CATSPERE: variants seen among roughly 807,000 people sequenced by gnomAD.
The protein encoded by CATSPERE is cation channel sperm-associated auxiliary subunit epsilon.
Under a neutral mutation model 114.1 loss-of-function variants are expected in CATSPERE, and 93 were observed. The observed-to-expected ratio is 0.81, with a 90% confidence interval of 0.69 to 0.97. The LOEUF (loss-of-function observed/expected upper bound fraction) is 0.97. Among genes scored for constraint, CATSPERE ranks in the 50% least tolerant of loss-of-function variants. The probability of loss-of-function intolerance (pLI) is 0.00; values close to 1 mark genes in which losing one functional copy is unlikely to be tolerated. For missense variants in CATSPERE, 1,058 were observed against 1,131.6 expected (o/e 0.93, Z 0.93); for synonymous variants, 341 against 384.1 (o/e 0.89, Z 1.31).
chr1:244,546,512 A>T (rs996639678), intron 8 of CATSPERE, among the ~76,000 whole-genome samples: 1 of 152,274 alleles, frequency 6.6e-6, no homozygotes, highest in African/African-American at 2.4e-5. Context: ...ATAGAGATGT[A>T]TGAACTGTCT....
chr1:244,600,385 G>A (rs1376196273), intron 17 of CATSPERE, among the ~76,000 whole-genome samples: 2 of 150,294 alleles, frequency 1.3e-5, no homozygotes, highest in African/African-American at 4.9e-5. Context: ...GAGAGAGAGA[G>A]ACTAGAAAAC....
chr1:244,510,835 C>CTT (rs747921082), intron 7 of CATSPERE, among the ~76,000 whole-genome samples: 679 of 48,296 alleles, frequency 0.014, no homozygotes, highest in Non-Finnish European at 0.019. Context: ...TTTTCTTTTT[C>CTT]TTTTTTTTTT....
At chr1:244,493,820 C>T (rs982548331) in intron 6 of CATSPERE, among the ~76,000 whole-genome samples, 9 of 152,306 alleles carry the variant, frequency 5.9e-5, no homozygotes, top group African/African-American at 1.9e-4. Context: ...CAAAAGAAGA[C>T]ATTTATGCAG....
chr1:244,610,566 T>C, intron 19 of CATSPERE: 1 of 582,484 alleles, frequency 1.7e-6, no homozygotes, highest in South Asian at 1.7e-5. Context: ...TGTTTGCAGA[T>C]TATTAAATAT....
At chr1:244,600,104 C>A (rs1429461091) in intron 17 of CATSPERE, among the ~76,000 whole-genome samples, 1 of 152,056 alleles carries the variant, frequency 6.6e-6, no homozygotes, top group African/African-American at 2.4e-5. Flanking sequence ...GACTCCCTCC[C>A]GTGATAGACA....
chr1:244,490,180 G>C (rs1023123787), intron 5 of CATSPERE, among the ~76,000 whole-genome samples: 2 of 152,094 alleles, frequency 1.3e-5, no homozygotes, highest in East Asian at 3.9e-4. Context: ...CTTAGCGTGA[G>C]CGGTTTTGGT....
chr1:244,570,350 GTTTT>G (rs1469927631), intron 10 of CATSPERE, among the ~76,000 whole-genome samples: 1 of 151,808 alleles, frequency 6.6e-6, no homozygotes, highest in African/African-American at 2.4e-5. Flanking sequence ...GTTTTTTTAG[GTTTT>G]GTTTTCTTTT....
chr1:244,588,343 T>C (rs533154251), intron 13 of CATSPERE, 139 bp from the exon 14 acceptor site: 14 of 643,404 alleles, frequency 2.2e-5, no homozygotes, highest in South Asian at 1.8e-4. Context: ...AAGAAAACAG[T>C]GCAGAGCAGT....
chr1:244,488,773 C>T (rs1167811662), intron 5 of CATSPERE, among the ~76,000 whole-genome samples: 2 of 152,120 alleles, frequency 1.3e-5, no homozygotes. Context: ...GAGCCGGGGT[C>T]TTTTTAATCA....
chr1:244,622,193 G>A (rs1217182576), intron 20 of CATSPERE, among the ~76,000 whole-genome samples: 1 of 152,024 alleles, frequency 6.6e-6, no homozygotes, highest in Non-Finnish European at 1.5e-5. Context: ...AAAGACTAGG[G>A]GAAATGGGAG....
chr1:244,560,193 G>C (rs1309713948), intron 9 of CATSPERE, among the ~76,000 whole-genome samples: 1 of 151,954 alleles, frequency 6.6e-6, no homozygotes, highest in Non-Finnish European at 1.5e-5. Flanking sequence ...GTCTCATTTT[G>C]TTGCCCAGGC....
chr1:244,523,873 G>A (rs1678046524), intron 8 of CATSPERE, among the ~76,000 whole-genome samples: 3 of 149,018 alleles, frequency 2.0e-5, no homozygotes, highest in Admixed American at 2.0e-4. Context: ...CCATGTTCAT[G>A]GGTAGGAAGA....
At chr1:244,493,771 C>G (rs1266893439) in intron 6 of CATSPERE, among the ~76,000 whole-genome samples, 3 of 152,066 alleles carry the variant, frequency 2.0e-5, no homozygotes, top group Non-Finnish European at 2.9e-5. Context: ...ACAAACAACC[C>G]CATCAAAAAG....
At chr1:244,451,332 G>C (rs1665584385), upstream of CATSPERE, among the ~76,000 whole-genome samples, 1 of 152,164 alleles carries the variant, frequency 6.6e-6, no homozygotes, top group South Asian at 2.1e-4. This position sits in a 1 kb window ranked among gnomAD's most constrained non-coding sequence, Gnocchi z 6.6. Flanking sequence ...TCCCGGCGCT[G>C]AGCACCACTC....
At chr1:244,577,744 T>C (rs1325203912) in intron 11 of CATSPERE, among the ~76,000 whole-genome samples, 1 of 152,214 alleles carries the variant, frequency 6.6e-6, no homozygotes, top group East Asian at 1.9e-4. Context: ...GATCAGGTTT[T>C]AACACATAAG....
At chr1:244,461,770 C>T (rs1666849211) in intron 1 of CATSPERE, among the ~76,000 whole-genome samples, 1 of 152,180 alleles carries the variant, frequency 6.6e-6, no homozygotes, top group Admixed American at 6.5e-5. Context: ...CTCAGAACAT[C>T]TGAGCCCCAA....
At chr1:244,589,083 G>A (rs1308383814) in intron 14 of CATSPERE, among the ~76,000 whole-genome samples, 1 of 152,110 alleles carries the variant, frequency 6.6e-6, no homozygotes, top group Non-Finnish European at 1.5e-5. Context: ...GAAGCACGTT[G>A]GACTCTGTGT....
chr1:244,626,351 G>A (rs371191261), intron 20 of CATSPERE, among the ~76,000 whole-genome samples: 4 of 151,916 alleles, frequency 2.6e-5, no homozygotes, highest in African/African-American at 4.8e-5. Context: ...CAGGTGTGGT[G>A]GCAGGCACCT....
intron 5 of CATSPERE, among the ~76,000 whole-genome samples, chr1:244,482,523 GC>G (rs1180024040): frequency 6.6e-6 from 1 of 152,040 alleles, no homozygotes; most frequent in Admixed American, 6.6e-5. Context: ...GTTCGCTTGA[GC>G]CCAGGAGTTT....
Sources: allele counts gnomAD v4.1 joint callset (sites outside exome capture counted in the v4.1 genomes callset), GRCh38; gene constraint gnomAD v4.1.1; non-coding constraint Gnocchi (gnomAD v3.1); transcripts MANE v1.5; gene names NCBI Gene and HGNC (gene_info 2026-07-23, HGNC 2026-07-21).